The following UNC79 variants were observed in gnomAD, a reference collection of about 807,000 sequenced individuals.
UNC79 encodes the protein unc-79 subunit of NALCN channel complex.
Under a neutral mutation model 283.1 loss-of-function variants are expected in UNC79, and 37 were observed. The observed-to-expected ratio is 0.13, with a 90% CI of 0.10 to 0.17. The LOEUF is 0.17. Among genes scored for constraint, UNC79 ranks in the 10% least tolerant of loss-of-function variants. The probability of loss-of-function intolerance (pLI) is 1.00; values close to 1 mark genes in which losing one functional copy is unlikely to be tolerated. For missense variants in UNC79, 2,272 were observed against 3,211.1 expected, an observed-to-expected ratio of 0.71 and a Z score of 7.07; for synonymous variants, 1,107 against 1,200.2, an observed-to-expected ratio of 0.92 and a Z score of 1.61.
intron 1 of UNC79, among the ~76,000 whole-genome samples, chr14:93,380,071 C>G (rs1451961942): frequency 6.6e-6 from 1 of 152,026 alleles, no homozygotes; most frequent in Non-Finnish European, 1.5e-5. Flanking sequence ...CAGGGTTGAT[C>G]TGAGGATTAA....
In UNC79 at chr14:93,617,020, C is replaced by T; in HGVS notation, c.4042-102C>T. On this transcript the variant is annotated intron_variant, in intron 27 of 48. Transcript: ENST00000555664. This position sits in a 1 kb window ranked among gnomAD's most constrained non-coding sequence, Gnocchi z 4.5. ...GTGGGATGCCTGTTAAATATTTTGC[C>T]TGTTAAAAATTTTAACCACTGGGAT... 4.0e-6 allele frequency: 4 copies of T among 994,434 alleles called. No homozygotes were observed. Among genetic ancestry groups the T allele is most frequent in the South Asian group, 4.0e-5 (2 of 50,010 alleles). The allele number at this position is 994,434 out of a possible 1,614,324, so 61.6% of individuals were successfully genotyped here.
intron 43 of UNC79, among the ~76,000 whole-genome samples, chr14:93,687,800 A>G (rs76536436): frequency 0.03 from 4,563 of 152,248 alleles, 219 homozygotes; most frequent in African/African-American, 0.1. Flanking sequence ...AAGAAGAGGA[A>G]ACAATTATTA....
At chr14:93,406,512 C>T (rs2055229415) in intron 1 of UNC79, among the ~76,000 whole-genome samples, 2 of 152,128 alleles carry the variant, frequency 1.3e-5, no homozygotes, top group South Asian at 4.1e-4. Flanking sequence ...CACTTGAGCC[C>T]AGAAGCTTGA....
At chr14:93,692,843 C>G (rs1303205768) in intron 46 of UNC79, among the ~76,000 whole-genome samples, 1 of 152,180 alleles carries the variant, frequency 6.6e-6, no homozygotes, top group African/African-American at 2.4e-5. Context: ...TTGGTTCTGA[C>G]TGTGTATTGG....
At chr14:93,556,017 C>T (rs1420176327) in intron 14 of UNC79, among the ~76,000 whole-genome samples, 2 of 152,036 alleles carry the variant, frequency 1.3e-5, no homozygotes, top group Admixed American at 6.6e-5. Context: ...GTTTTTAGGG[C>T]CTAGTAGGTG....
chr14:93,592,775 T>C (rs1202781886), intron 22 of UNC79, among the ~76,000 whole-genome samples: 4 of 152,180 alleles, frequency 2.6e-5, no homozygotes. Context: ...TACTAAAATA[T>C]ATTATATTCA....
intron 4 of UNC79, among the ~76,000 whole-genome samples, chr14:93,483,216 C>A (rs1307662239): frequency 6.6e-6 from 1 of 152,186 alleles, no homozygotes; most frequent in Non-Finnish European, 1.5e-5. Flanking sequence ...TATTCCCTTG[C>A]ACTGCTTCCA....
intron 26 of UNC79, among the ~76,000 whole-genome samples, 155 bp downstream of exon 26, chr14:93,603,573 G>C (rs1241574582): frequency 6.6e-6 from 1 of 152,168 alleles, no homozygotes; most frequent in African/African-American, 2.4e-5. Flanking sequence ...ATCACTTCAG[G>C]GGTATAAATG....
intron 22 of UNC79, among the ~76,000 whole-genome samples, chr14:93,592,276 G>A (rs1014764927): frequency 1.4e-5 from 2 of 146,804 alleles, no homozygotes; most frequent in Non-Finnish European, 3.0e-5. Flanking sequence ...CCGGGTTCAC[G>A]CCATTCTCCT....
intron 7 of UNC79, among the ~76,000 whole-genome samples, chr14:93,506,513 A>C (rs919764352): frequency 3.9e-5 from 6 of 152,192 alleles, no homozygotes; most frequent in African/African-American, 1.2e-4. Context: ...TGTTTCTATA[A>C]AAAATTGACT....
At chr14:93,568,532 G>A (rs1042056679) in intron 14 of UNC79, among the ~76,000 whole-genome samples, 4 of 152,062 alleles carry the variant, frequency 2.6e-5, no homozygotes, top group Admixed American at 6.6e-5. Flanking sequence ...AAATTAGCTG[G>A]GTGTGGTGGC....
At chr14:93,548,612 A>G (rs1209546557) in intron 14 of UNC79, among the ~76,000 whole-genome samples, 1 of 152,196 alleles carries the variant, frequency 6.6e-6, no homozygotes, top group African/African-American at 2.4e-5. Flanking sequence ...AATCTACTCA[A>G]TCTTAGCCAA....
chr14:93,411,921 A>G (rs1018558949), intron 1 of UNC79, among the ~76,000 whole-genome samples: 1 of 152,238 alleles, frequency 6.6e-6, no homozygotes, highest in Non-Finnish European at 1.5e-5. Context: ...CCAGAAAAAC[A>G]TGACCTTATC....
chr14:93,534,078 A>G (rs1238668013), intron 11 of UNC79, among the ~76,000 whole-genome samples: 1 of 152,232 alleles, frequency 6.6e-6, no homozygotes, highest in African/African-American at 2.4e-5. Context: ...GATCATAGCA[A>G]TAAGCTTCTG....
intron 14 of UNC79, among the ~76,000 whole-genome samples, chr14:93,568,257 G>A (rs1041730734): frequency 5.9e-5 from 9 of 152,158 alleles, no homozygotes; most frequent in African/African-American, 9.7e-5. Context: ...GTGGGAATGC[G>A]TGAAAGAATG....
Position 93,621,748 on chromosome 14 carries a change from G to C in UNC79, c.4515G>C (p.Gly1505=), listed in dbSNP as rs368242839. 9 of 1,614,108 alleles carry C rather than the reference G, an allele frequency of 5.6e-6. No individual in the cohort carries two copies. The highest frequency in any genetic ancestry group is 5.9e-6 in the Non-Finnish European group (7 of 1,180,024). The stretch of plus-strand genomic sequence containing the variant: ...TCAAACAAAAATCTCTTGATATAGG[G>C]AATGCAGACTCGCTTTTGTTTACAT... The change falls in exon 30 of 49, where the codon GGG becomes GGC. Residue 1505 remains glycine, a synonymous_variant. Transcript: ENST00000555664. This position sits in a 1 kb window ranked among gnomAD's most constrained non-coding sequence, Gnocchi z 4.8.
At chr14:93,672,764 T>C (rs1362836062) in intron 40 of UNC79, among the ~76,000 whole-genome samples, 2 of 152,188 alleles carry the variant, frequency 1.3e-5, no homozygotes, top group African/African-American at 4.8e-5. Context: ...CAACAGAATA[T>C]CACATGTACC....
At chr14:93,444,996 A>G (rs2056421333) in intron 1 of UNC79, among the ~76,000 whole-genome samples, 1 of 152,102 alleles carries the variant, frequency 6.6e-6, no homozygotes, top group Non-Finnish European at 1.5e-5. Flanking sequence ...GTCTTGTTTA[A>G]TTCTCTTTTG....
intron 32 of UNC79, 46 bp downstream of exon 35, chr14:93,637,345 T>G (rs751556733): frequency 2.9e-5 from 46 of 1,605,038 alleles, no homozygotes; most frequent in Admixed American, 5.2e-5. Flanking sequence ...TGAAGGAGAC[T>G]GGACATGTCC....
Sources: allele counts gnomAD v4.1 joint callset (sites outside exome capture counted in the v4.1 genomes callset), GRCh38; gene constraint gnomAD v4.1.1; non-coding constraint Gnocchi (gnomAD v3.1); transcripts MANE v1.5; gene names NCBI Gene and HGNC (gene_info 2026-07-23, HGNC 2026-07-21).